The following GABBR2 variants were observed in gnomAD, a reference collection of about 807,000 sequenced individuals.
GABBR2 encodes G-protein coupled receptor 51.
A neutral mutation model predicts 105.6 loss-of-function variants in GABBR2; 23 were observed. That is an observed-to-expected ratio of 0.22 (90% CI 0.16 to 0.31). The LOEUF (loss-of-function observed/expected upper bound fraction) is 0.31, where lower values mean the gene tolerates loss of function less well. Among genes scored for constraint, GABBR2 ranks in the 10% least tolerant of loss-of-function variants. GABBR2 has a pLI of 1.00. For synonymous variants in GABBR2, 478 were observed against 499.7 expected, an observed-to-expected ratio of 0.96 and a Z score of 0.58; for missense variants, 734 against 1,245.5, an observed-to-expected ratio of 0.59 and a Z score of 6.18.
intron 1 of GABBR2, among the ~76,000 whole-genome samples, chr9:98,658,847 A>G (rs1830217838): frequency 6.6e-6 from 1 of 152,202 alleles, no homozygotes; most frequent in Non-Finnish European, 1.5e-5. Context: ...GAAGACCCTT[A>G]TCTGGAACGA....
chr9:98,667,309 A>G (rs1376705704), intron 1 of GABBR2, among the ~76,000 whole-genome samples: 1 of 152,118 alleles, frequency 6.6e-6, no homozygotes, highest in Non-Finnish European at 1.5e-5. Flanking sequence ...GGGTGAACTT[A>G]CTAAACAGAG....
intron 13 of GABBR2, among the ~76,000 whole-genome samples, chr9:98,362,291 T>C (rs537739992): frequency 9.2e-5 from 14 of 152,358 alleles, no homozygotes; most frequent in African/African-American, 3.1e-4. Flanking sequence ...TGATTTCAAA[T>C]GTGTGAAAAG....
rs145012175 is a variant in GABBR2 at position 98,708,537 on chromosome 9, C to T, written c.201G>A (p.Glu67=). ...SIMGLMPLTK[E]VAKGSIGRGV... ...CGCGCCCGATGCTGCCCTTGGCCAC[C>T]TCCTTGGTGAGCGGCATGAGGCCCA... The change falls in exon 1 of 19, where the codon GAG becomes GAA. Residue 67 remains glutamate (E), a synonymous_variant. Transcript: ENST00000259455. 34 of 1,596,410 alleles carry T rather than the reference C, an allele frequency of 2.1e-5. No individual in the cohort carries two copies. In the African/African-American group the frequency reaches 3.6e-4, roughly 17 times the overall value.
intron 3 of GABBR2, among the ~76,000 whole-genome samples, chr9:98,507,666 T>C (rs1433864869): frequency 6.6e-6 from 1 of 152,228 alleles, no homozygotes; most frequent in East Asian, 1.9e-4. Context: ...CATCTTGAAA[T>C]GCCAACATGC....
intron 18 of GABBR2, among the ~76,000 whole-genome samples, chr9:98,292,040 C>T (rs1042704450): frequency 6.6e-6 from 1 of 152,242 alleles, no homozygotes; most frequent in African/African-American, 2.4e-5. Context: ...TGTCATGTCA[C>T]TTTGTTGAAA....
chr9:98,322,980 G>A (rs1830851417), intron 13 of GABBR2, among the ~76,000 whole-genome samples: 1 of 152,026 alleles, frequency 6.6e-6, no homozygotes, highest in Admixed American at 6.5e-5. Flanking sequence ...TGTGCTGAGT[G>A]TTATATACAC....
At chr9:98,686,852 C>A (rs1830627267) in intron 1 of GABBR2, among the ~76,000 whole-genome samples, 1 of 152,140 alleles carries the variant, frequency 6.6e-6, no homozygotes, top group South Asian at 2.1e-4. Flanking sequence ...CCCCCACAAC[C>A]CATCAACCAA....
chr9:98,631,449 T>C (rs940445927), intron 1 of GABBR2, among the ~76,000 whole-genome samples: 4 of 152,252 alleles, frequency 2.6e-5, no homozygotes, highest in African/African-American at 9.6e-5. Context: ...CCAGCAACTA[T>C]TTATTCAACA....
chr9:98,411,246 A>C (rs1832586463), intron 7 of GABBR2, among the ~76,000 whole-genome samples: 1 of 152,250 alleles, frequency 6.6e-6, no homozygotes, highest in Non-Finnish European at 1.5e-5. Context: ...ATTGGGAGCC[A>C]TAAAGCTGCA....
At chr9:98,492,349 T>TTAAAAAAAAAAAAAAAAAAAAAAAAA (rs752135873) in intron 4 of GABBR2, among the ~76,000 whole-genome samples, 1 of 29,218 alleles carries the variant, frequency 3.4e-5, no homozygotes, top group Admixed American at 6.3e-4. Context: ...TGTTTCCTAG[T>TTAAAAAAAAAAAAAAAAAAAAAAAAA]AAAAAAAAAA....
At chr9:98,409,402 ATGG>A (rs1352903784) in intron 7 of GABBR2, among the ~76,000 whole-genome samples, 2 of 152,074 alleles carry the variant, frequency 1.3e-5, no homozygotes, top group Non-Finnish European at 2.9e-5. Flanking sequence ...GTGTGAGAAG[ATGG>A]TGGTTTCAGT....
At chr9:98,528,685 G>A (rs1040661636) in intron 3 of GABBR2, among the ~76,000 whole-genome samples, 6 of 151,838 alleles carry the variant, frequency 4.0e-5, no homozygotes, top group Non-Finnish European at 7.4e-5. Flanking sequence ...AGGAGAAACA[G>A]AAATGAGAAA....
chr9:98,485,677 C>T, intron 4 of GABBR2, among the ~76,000 whole-genome samples: 1 of 149,232 alleles, frequency 6.7e-6, no homozygotes, highest in South Asian at 2.1e-4. Flanking sequence ...GTCCGTCAGC[C>T]CCACCCTGGG....
intron 13 of GABBR2, among the ~76,000 whole-genome samples, chr9:98,340,951 G>A (rs1359817562): frequency 6.6e-6 from 1 of 152,242 alleles, no homozygotes; most frequent in Non-Finnish European, 1.5e-5. Context: ...CAATCATTCT[G>A]TTCATGACAC....
chr9:98,311,451 C>T (rs1181496949), intron 13 of GABBR2, among the ~76,000 whole-genome samples: 1 of 152,214 alleles, frequency 6.6e-6, no homozygotes, highest in Non-Finnish European at 1.5e-5. Flanking sequence ...CATGCCTCTC[C>T]AATTTGAGTC....
chr9:98,291,164 G>A (rs923339431), intron 18 of GABBR2, among the ~76,000 whole-genome samples: 7 of 152,168 alleles, frequency 4.6e-5, no homozygotes, highest in Middle Eastern at 3.4e-3. Context: ...GCTGAGCCTC[G>A]CCTACCTTAA....
intron 4 of GABBR2, among the ~76,000 whole-genome samples, chr9:98,482,843 C>T (rs71501864): frequency 0.04 from 6,158 of 152,170 alleles, 166 homozygotes; most frequent in Non-Finnish European, 0.059. Context: ...TGGCTCCCCT[C>T]GTGCCTGCCT....
At chr9:98,692,335 C>T (rs932470157) in intron 1 of GABBR2, among the ~76,000 whole-genome samples, 1 of 152,186 alleles carries the variant, frequency 6.6e-6, no homozygotes, top group Non-Finnish European at 1.5e-5. Context: ...TGGTGGCCAG[C>T]AGTATGGATA....
chr9:98,483,993 T>C (rs1037390505), intron 4 of GABBR2, among the ~76,000 whole-genome samples: 2 of 152,204 alleles, frequency 1.3e-5, no homozygotes, highest in East Asian at 3.9e-4. Context: ...ATTAATCCAG[T>C]GTGCAGCATC....
Sources: gnomAD v4.1 joint callset for allele counts (sites outside exome capture counted in the v4.1 genomes callset) on GRCh38, gnomAD v4.1.1 for gene constraint, MANE v1.5 for transcripts, NCBI Gene and HGNC (gene_info 2026-07-23, HGNC 2026-07-21) for gene names.